Variants in THBS4 observed in about 807,000 individuals in gnomAD.
THBS4 encodes the protein thrombospondin 4, also known as thrombospondin-4.
A neutral mutation model predicts 115.7 loss-of-function variants in THBS4; 90 were observed. The observed-to-expected ratio is 0.78, with a 90% CI of 0.66 to 0.93. The LOEUF (loss-of-function observed/expected upper bound fraction) is 0.93. Ranked by LOEUF, THBS4 falls within the 40% of genes least tolerant of loss-of-function variation. The pLI is 0.00. For synonymous variants in THBS4, 460 were observed against 479.3 expected (o/e 0.96, Z 0.53); for missense variants, 1,087 against 1,232.7 (o/e 0.88, Z 1.77).
chr5:80,056,097 G>A (rs1833424289), intron 3 of THBS4, 65 bp downstream of exon 3: 2 of 1,499,094 alleles, frequency 1.3e-6, no homozygotes, highest in East Asian at 4.6e-5. Context: ...GGAGTGCAGA[G>A]GAGCGTGCTG....
chr5:80,015,225 G>A (rs1216925233), intron 2 of THBS4, among the ~76,000 whole-genome samples: 10 of 152,230 alleles, frequency 6.6e-5, no homozygotes, highest in Non-Finnish European at 1.5e-4. Flanking sequence ...TCCAGTTAGG[G>A]GATGGGGAAA....
chr5:80,078,343 C>T (rs1441268260), intron 17 of THBS4, 116 bp downstream of exon 17: 2 of 857,008 alleles, frequency 2.3e-6, no homozygotes, highest in African/African-American at 1.7e-5. Context: ...TTCACATTCG[C>T]TCTTATTCCT....
intron 2 of THBS4, among the ~76,000 whole-genome samples, chr5:80,012,090 TAACA>T (rs1478508482): frequency 1.3e-5 from 2 of 151,832 alleles, no homozygotes; most frequent in Non-Finnish European, 2.9e-5. Flanking sequence ...TCCCTTTATA[TAACA>T]AACCTCCATG....
rs756388231 is a variant in THBS4, at chr5:80,083,231, A to G, written c.*90A>G. 172 of 1,135,078 alleles carry G rather than the reference A, an allele frequency of 1.5e-4. No individual in the cohort carries two copies. The highest frequency in any genetic ancestry group is 5.8e-4 in the Middle Eastern group (3 of 5,142). The allele number at this position is 1,135,078 out of a possible 1,614,324, so 70.3% of individuals were successfully genotyped here. A position where few individuals can be genotyped will look rare whatever the true frequency, so the allele number is the denominator to read the frequency against. ...TTCTTTAGCTTTTACCAACCCAAATATATCAAAACGTTTTATGTGAATGTG... is the reference window on the plus strand; with the variant it reads ...TTCTTTAGCTTTTACCAACCCAAATGTATCAAAACGTTTTATGTGAATGTG... On this transcript the variant is annotated 3_prime_UTR_variant, in exon 22 of 22. Transcript: ENST00000350881.
chr5:80,018,631 G>A (rs62365798), intron 2 of THBS4, among the ~76,000 whole-genome samples: 2,699 of 151,872 alleles, frequency 0.018, 36 homozygotes, highest in Admixed American at 0.029. Flanking sequence ...CTGACTTTAG[G>A]TGATCTGCCC....
rs148430045 is a variant in THBS4, at chr5:80,051,258, C to T, written c.293-4527C>T. Among the ~76,000 whole-genome samples, 5 of 152,288 alleles carry T rather than the reference C, an allele frequency of 3.3e-5. No homozygotes were observed. The East Asian group carries it at 7.7e-4, about 24-fold the overall frequency. ...GCCAGAGCTTTCTGCTTTTTCCAGA[C>T]TCCATATGACTGATGTGAAAACGTT... On this transcript the variant is annotated intron_variant, in intron 2 of 21. Transcript: ENST00000350881.
At chr5:79,996,640 T>C (rs1189063881) in intron 1 of THBS4, among the ~76,000 whole-genome samples, 2 of 152,210 alleles carry the variant, frequency 1.3e-5, no homozygotes, top group African/African-American at 4.8e-5. Context: ...TTGGTAGCTA[T>C]GTGAAGGTGA....
At position 80,071,147 on chromosome 5, in the gene THBS4, GGA is replaced by G; in HGVS notation, c.1690_1691del (p.Asp564CysfsTer3). 6.3e-7 allele frequency: 1 copy of G among 1,596,306 alleles called. No individual in the cohort carries two copies. The highest frequency in any genetic ancestry group is 8.5e-7 in the Non-Finnish European group (1 of 1,175,028). ...DQKDTDGDGR[G>X]DACDDDMDGD... is the part of the protein sequence containing the mutation. ...GAAAGACACCGATGGGGATGGAAGAGGAGATGCCTGTGATGATGACATGGATG... is the reference window on the plus strand; with the variant it reads ...GAAAGACACCGATGGGGATGGAAGAGGATGCCTGTGATGATGACATGGATG... On this transcript the variant is annotated frameshift_variant, in exon 13 of 22. Coordinates refer to ENST00000350881, the MANE Select transcript of THBS4 (RefSeq NM_003248.6). LOFTEE classifies it high-confidence loss of function.
intron 10 of THBS4, among the ~76,000 whole-genome samples, 176 bp from the exon 11 acceptor site, chr5:80,070,130 G>A (rs1012938015): frequency 5.9e-5 from 9 of 151,908 alleles, no homozygotes; most frequent in Non-Finnish European, 1.3e-4. Context: ...TCTTTGAATA[G>A]TGAACCATTA....
At chr5:80,031,015 G>A (rs1182056846), upstream of THBS4, among the ~76,000 whole-genome samples, 2 of 152,180 alleles carry the variant, frequency 1.3e-5, no homozygotes, top group Non-Finnish European at 2.9e-5. Flanking sequence ...TATAGTCACC[G>A]CACAGGAGCA....
intron 9 of THBS4, among the ~76,000 whole-genome samples, chr5:80,065,889 G>A (rs954060068): frequency 3.9e-5 from 6 of 151,938 alleles, no homozygotes; most frequent in African/African-American, 1.5e-4. Flanking sequence ...TCAGGAGATC[G>A]AGACCATCCT....
chr5:79,992,174 G>A (rs753544916), intron 1 of THBS4, among the ~76,000 whole-genome samples: 5 of 152,222 alleles, frequency 3.3e-5, no homozygotes, highest in Non-Finnish European at 7.3e-5. Flanking sequence ...AAACCTGACA[G>A]TTTCTCAGAA....
chr5:80,033,895 A>G (rs866846852), upstream of THBS4, among the ~76,000 whole-genome samples: 1 of 152,232 alleles, frequency 6.6e-6, no homozygotes, highest in Non-Finnish European at 1.5e-5. Context: ...GCTGAGAACC[A>G]CTGAATAGTG....
At chr5:80,078,685 G>A (rs567091923) in intron 17 of THBS4, 1 of 469,098 alleles carries the variant, frequency 2.1e-6, no homozygotes, top group Non-Finnish European at 3.8e-6. Flanking sequence ...ATCAGCTTAA[G>A]TGACAGTCTC....
In THBS4 at chr5:80,083,248, G is replaced by A. The variant is rs1459888852; in HGVS notation, c.*107G>A. 3 of 973,826 alleles carry A rather than the reference G, an allele frequency of 3.1e-6. No homozygotes were observed. The highest frequency in any genetic ancestry group is 4.8e-5 in the East Asian group (2 of 41,290). The allele number at this position is 973,826 out of a possible 1,614,324, so 60.3% of individuals were successfully genotyped here. On this transcript the variant is annotated 3_prime_UTR_variant, in exon 22 of 22. Coordinates refer to ENST00000350881, the MANE Select transcript of THBS4 (RefSeq NM_003248.6). Reference sequence around the variant, plus strand: ...ACCCAAATATATCAAAACGTTTTATGTGAATGTGGCAATAAAGGAGAAGAG... The same window carrying A: ...ACCCAAATATATCAAAACGTTTTATATGAATGTGGCAATAAAGGAGAAGAG...
chr5:80,077,431 AG>A (rs1743271790), intron 16 of THBS4, among the ~76,000 whole-genome samples: 2 of 152,226 alleles, frequency 1.3e-5, no homozygotes, highest in Admixed American at 1.3e-4. Context: ...ATGGCACAGT[AG>A]AAGTGGTATA....
rs770819884 is a variant in THBS4, at chr5:80,035,650, G to A, written c.88+25G>A. 5 of 1,311,502 alleles carry A rather than the reference G, an allele frequency of 3.8e-6. No homozygotes were observed. The East Asian group carries it at 1.5e-4, about 41-fold the overall frequency. The allele number at this position is 1,311,502 out of a possible 1,614,324, so 81.2% of individuals were successfully genotyped here. ...GGTAAGTGGGTTCGGGTCGGGCCTG[G>A]GAGCGCCGGGCACCGGGTGCCCCAT... On this transcript the variant is annotated intron_variant, in intron 1 of 21. Transcript: ENST00000350881. The surrounding 1 kb of genome is among the most constrained non-coding windows in gnomAD (Gnocchi z 4.6).
chr5:79,997,551 T>G (rs1831819730), intron 1 of THBS4, among the ~76,000 whole-genome samples: 1 of 87,248 alleles, frequency 1.1e-5, no homozygotes, highest in South Asian at 4.0e-4. Context: ...AAATCCATAA[T>G]TTTAACTATA....
chr5:80,002,599 A>G (rs980795277), intron 2 of THBS4, among the ~76,000 whole-genome samples: 1 of 151,890 alleles, frequency 6.6e-6, no homozygotes, highest in African/African-American at 2.4e-5. Flanking sequence ...GAGAAAGTCA[A>G]CTGTAATCAC....
Sources: gnomAD v4.1 joint callset for allele counts (sites outside exome capture counted in the v4.1 genomes callset) on GRCh38, gnomAD v4.1.1 for gene constraint, Gnocchi (gnomAD v3.1) non-coding constraint, MANE v1.5 for transcripts, NCBI Gene and HGNC (gene_info 2026-07-23, HGNC 2026-07-21) for gene names.